The following IRAK1BP1 variants were observed in gnomAD, a reference collection of about 807,000 sequenced individuals.
IRAK1BP1 encodes the protein interleukin-1 receptor-associated kinase 1-binding protein 1.
A neutral mutation model predicts 28.0 loss-of-function variants in IRAK1BP1; 24 were observed. That is an observed-to-expected ratio of 0.86 (90% confidence interval 0.62 to 1.20). The LOEUF (loss-of-function observed/expected upper bound fraction) is 1.20. Ranked by LOEUF, IRAK1BP1 falls within the 50% of genes most tolerant of loss-of-function variation. The pLI is 0.00. For missense variants in IRAK1BP1, 336 were observed against 316.7 expected (o/e 1.06, Z -0.46); for synonymous variants, 131 against 116.3 (o/e 1.13, Z -0.81).
At chr6:78,891,776 A>C (rs1271316553) in intron 2 of IRAK1BP1, among the ~76,000 whole-genome samples, 6 of 152,110 alleles carry the variant, frequency 3.9e-5, no homozygotes, top group Non-Finnish European at 8.8e-5. Context: ...GGAATTTTTT[A>C]ATCCTGGGGT....
chr6:78,889,490 C>G (rs939426074), intron 2 of IRAK1BP1, among the ~76,000 whole-genome samples: 1 of 151,562 alleles, frequency 6.6e-6, no homozygotes, highest in African/African-American at 2.4e-5. Flanking sequence ...GAAGAGGCAA[C>G]CTTCAGAATG....
At chr6:78,885,798 T>C (rs1231507096) in intron 2 of IRAK1BP1, among the ~76,000 whole-genome samples, 9 of 152,342 alleles carry the variant, frequency 5.9e-5, no homozygotes, top group Middle Eastern at 3.4e-3. Flanking sequence ...TTTTCAACAT[T>C]CTTTTGTTTT....
In IRAK1BP1 at chr6:78,943,983, C is replaced by CT. The variant is rs201550604; in HGVS notation, c.*68-1418dup. ...CCTCGGTGACAGAGCAAGATCCTGTCTTTTTTTAAAAAAAAAAAAAAAAAA... is the reference window on the plus strand; with the variant it reads ...CCTCGGTGACAGAGCAAGATCCTGTCTTTTTTTTAAAAAAAAAAAAAAAAAA... On this transcript the variant is annotated intron_variant and NMD_transcript_variant, in intron 4 of 4. Coordinates refer to the IRAK1BP1 transcript ENST00000606868. Among the ~76,000 whole-genome samples the CT allele has an allele frequency of 8.7e-3, 830 of 95,804 alleles. 10 individuals are homozygous for CT. The highest frequency in any genetic ancestry group is 0.031 in the African/African-American group (758 of 24,712). 62.9% of individuals were successfully genotyped at this position (95,804 alleles called of 152,430 possible). A position where few individuals can be genotyped will look rare whatever the true frequency, so the allele number is the denominator to read the frequency against.
At chr6:78,879,461 G>A (rs139997469) in intron 1 of IRAK1BP1, among the ~76,000 whole-genome samples, 2 of 152,014 alleles carry the variant, frequency 1.3e-5, no homozygotes, top group Non-Finnish European at 2.9e-5. Flanking sequence ...GAAGCAATTC[G>A]ATAAAGAAAG....
At chr6:78,868,534 C>A (rs910333079) in intron 1 of IRAK1BP1, among the ~76,000 whole-genome samples, 11 of 152,194 alleles carry the variant, frequency 7.2e-5, no homozygotes, top group Non-Finnish European at 1.3e-4. Flanking sequence ...CGAAATACTT[C>A]TACTTACTTA....
intron 4 of IRAK1BP1, among the ~76,000 whole-genome samples, chr6:78,928,107 T>C (rs1772941156): frequency 6.6e-6 from 1 of 152,096 alleles, no homozygotes; most frequent in South Asian, 2.1e-4. Context: ...GTAGATTCTT[T>C]GGGTAGTATG....
rs575253341 is a variant in IRAK1BP1, at chr6:78,901,797, G to T, written c.*3463G>T. 1.3e-5 allele frequency: 2 copies of T among 152,168 alleles called. No individual in the cohort carries two copies. The highest frequency in any genetic ancestry group is 4.1e-4 in the South Asian group (2 of 4,822). 9.4% of individuals were successfully genotyped at this position (152,168 alleles called of 1,614,324 possible). A position where few individuals can be genotyped will look rare whatever the true frequency, so the allele number is the denominator to read the frequency against. On this transcript the variant is annotated 3_prime_UTR_variant, in exon 4 of 4. Coordinates refer to ENST00000369940, the MANE Select transcript of IRAK1BP1 (RefSeq NM_001010844.4). ...AGTATTCTTATTTGACGGTCAATTT[G>T]AGTTCAGTGTAAACAAATAGGACTT...
chr6:78,883,396 G>A (rs1485796071), intron 1 of IRAK1BP1, among the ~76,000 whole-genome samples: 2 of 152,138 alleles, frequency 1.3e-5, no homozygotes, highest in East Asian at 1.9e-4. Context: ...GTTTGAGAAT[G>A]TTATTACTTT....
chr6:78,888,007 G>A (rs1403152843), intron 2 of IRAK1BP1, among the ~76,000 whole-genome samples: 1 of 124,786 alleles, frequency 8.0e-6, no homozygotes. Context: ...TACATACAAT[G>A]AAATATTATT....
At chr6:78,954,796 A>G in the IRAK1BP1 span, 1 of 1,546,334 alleles carries the variant, frequency 6.5e-7, no homozygotes, top group Non-Finnish European at 8.7e-7. Context: ...TAAAGAAAAT[A>G]TTTTCAAAAA....
chr6:78,881,257 G>T (rs949064376), intron 1 of IRAK1BP1, among the ~76,000 whole-genome samples: 6 of 152,156 alleles, frequency 3.9e-5, no homozygotes, highest in Non-Finnish European at 8.8e-5. Context: ...GTCAGTGAAA[G>T]AAGCCAGACC....
chr6:78,879,208 G>C (rs1357101375), intron 1 of IRAK1BP1, among the ~76,000 whole-genome samples: 1 of 152,050 alleles, frequency 6.6e-6, no homozygotes, highest in Non-Finnish European at 1.5e-5. Context: ...CTTGGGGTGG[G>C]GGTAGGGGGT....
At chr6:78,940,884 G>C (rs773507980) in intron 4 of IRAK1BP1, 2 of 1,613,808 alleles carry the variant, frequency 1.2e-6, no homozygotes, top group South Asian at 2.2e-5. Flanking sequence ...GAGCCTTTGA[G>C]TTCTTCAAAC....
intron 4 of IRAK1BP1, among the ~76,000 whole-genome samples, chr6:78,912,987 A>ATG (rs981782964): frequency 1.5e-3 from 229 of 152,188 alleles, no homozygotes; most frequent in African/African-American, 5.2e-3. Flanking sequence ...GTGGGTGTGT[A>ATG]TGTGTGTGTG....
chr6:78,964,387 T>C, the IRAK1BP1 span, among the ~76,000 whole-genome samples: 2 of 152,238 alleles, frequency 1.3e-5, no homozygotes, highest in Non-Finnish European at 2.9e-5. Context: ...CAATAACTAC[T>C]GAGCAACTCA....
At chr6:78,937,839 G>A (rs1056117047) in intron 4 of IRAK1BP1, 6 of 151,808 alleles carry the variant, frequency 4.0e-5, no homozygotes, top group African/African-American at 1.4e-4. Flanking sequence ...CTTTTCATCT[G>A]GGACTTGAGA....
At position 78,901,282 on chromosome 6, in the gene IRAK1BP1, T is replaced by A. The variant is rs762666198; in HGVS notation, c.*2948T>A. On this transcript the variant is annotated 3_prime_UTR_variant, in exon 4 of 4. Transcript: ENST00000369940. Reference sequence around the variant, plus strand: ...CAAAAAAATCCTGTAAAGTATACAATCCTACATTTTTCTATAGAAGAGCTT... The same window carrying A: ...CAAAAAAATCCTGTAAAGTATACAAACCTACATTTTTCTATAGAAGAGCTT... 6.6e-6 allele frequency: 1 copy of A among 151,948 alleles called. No individual in the cohort carries two copies. The highest frequency in any genetic ancestry group is 2.4e-5 in the African/African-American group (1 of 41,386). 9.4% of individuals were successfully genotyped at this position (151,948 alleles called of 1,614,324 possible).
chr6:78,971,029 T>C, the IRAK1BP1 span: 1 of 605,720 alleles, frequency 1.7e-6, no homozygotes, highest in South Asian at 2.2e-5. Flanking sequence ...TCCTCCTTTC[T>C]CTCAAGTTGT....
chr6:78,966,291 A>G, the IRAK1BP1 span, among the ~76,000 whole-genome samples: 1 of 152,246 alleles, frequency 6.6e-6, no homozygotes, highest in Non-Finnish European at 1.5e-5. Context: ...TTTATATTTC[A>G]TTAAGGTATA....
Sources: allele counts gnomAD v4.1 joint callset (sites outside exome capture counted in the v4.1 genomes callset), GRCh38; gene constraint gnomAD v4.1.1; transcripts MANE v1.5; gene names NCBI Gene and HGNC (gene_info 2026-07-23, HGNC 2026-07-21).